KCND2: variants seen among roughly 807,000 people sequenced by gnomAD.
KCND2 encodes A-type voltage-gated potassium channel KCND2.
KCND2 carries 16 observed loss-of-function variants against 54.4 expected under a neutral mutation model. That is an observed-to-expected ratio of 0.29 (90% CI 0.20 to 0.45). KCND2 has a LOEUF of 0.45. KCND2 is among the 20% of genes least tolerant of loss of function. The probability of loss-of-function intolerance (pLI) is 1.00; values close to 1 mark genes in which losing one functional copy is unlikely to be tolerated. For synonymous variants in KCND2, 317 were observed against 310.7 expected (o/e 1.02, Z -0.21); for missense variants, 486 against 824.2 (o/e 0.59, Z 5.02).
chr7:120,691,558 G>T (rs1792269235), intron 1 of KCND2, among the ~76,000 whole-genome samples: 1 of 152,158 alleles, frequency 6.6e-6, no homozygotes, highest in Non-Finnish European at 1.5e-5. Context: ...GGGAGACAGG[G>T]AGGAACAGAA....
chr7:120,335,024 G>A (rs1189759818), intron 1 of KCND2, among the ~76,000 whole-genome samples: 1 of 152,032 alleles, frequency 6.6e-6, no homozygotes, highest in Non-Finnish European at 1.5e-5. Context: ...AGTCTTACTC[G>A]CATCCCCACT....
At position 120,749,045 on chromosome 7, in the gene KCND2, T is replaced by C. The variant is rs1793041541; in HGVS notation, c.*1187T>C. 6.6e-6 allele frequency: 1 copy of C among 151,986 alleles called. No individual in the cohort carries two copies. Among genetic ancestry groups the C allele is most frequent in the Admixed American group, 6.6e-5 (1 of 15,236 alleles). 9.4% of individuals were successfully genotyped at this position (151,986 alleles called of 1,614,324 possible). ...AGCCCAGATACTGGATATATCACTA[T>C]GTATTTTATGAACAGAATTGACTGG... On this transcript the variant is annotated 3_prime_UTR_variant, in exon 6 of 6. Coordinates refer to ENST00000331113, the MANE Select transcript of KCND2 (RefSeq NM_012281.3).
intron 1 of KCND2, among the ~76,000 whole-genome samples, chr7:120,680,976 T>G (rs66889324): frequency 0.33 from 50,540 of 151,826 alleles, 9,490 homozygotes; most frequent in African/African-American, 0.48. Flanking sequence ...CTTACATGTT[T>G]GTTTAGGTAT....
chr7:120,747,550 A>AT, intron 5 of KCND2, 131 bp from the exon 6 acceptor site: 1 of 661,778 alleles, frequency 1.5e-6, no homozygotes, highest in Non-Finnish European at 2.6e-6. Context: ...GGTGTTTCAT[A>AT]TTTTTAATTA....
chr7:120,502,800 G>A (rs1424579755), intron 1 of KCND2, among the ~76,000 whole-genome samples: 5 of 151,954 alleles, frequency 3.3e-5, no homozygotes, highest in Non-Finnish European at 7.4e-5. Flanking sequence ...CACACATACA[G>A]GCTTTCCCAG....
intron 1 of KCND2, among the ~76,000 whole-genome samples, chr7:120,597,516 G>T (rs912838845): frequency 6.6e-6 from 1 of 152,164 alleles, no homozygotes; most frequent in Non-Finnish European, 1.5e-5. Flanking sequence ...GCTATCAGCT[G>T]TGGAAGGACA....
upstream of KCND2, among the ~76,000 whole-genome samples, chr7:120,272,966 T>G (rs1034645684): frequency 1.3e-5 from 2 of 151,860 alleles, no homozygotes; most frequent in Non-Finnish European, 2.9e-5. Context: ...CCCTTTCTCC[T>G]CTCCTCCACC....
intron 1 of KCND2, among the ~76,000 whole-genome samples, chr7:120,647,595 A>G (rs1056073364): frequency 3.9e-5 from 6 of 152,202 alleles, no homozygotes; most frequent in Admixed American, 3.3e-4. Flanking sequence ...GCAAGAGTTT[A>G]TTGACAAGAT....
At position 120,371,880 on chromosome 7, in the gene KCND2, T is replaced by G. The variant is rs570286807; in HGVS notation, c.1115+96133T>G. Among the ~76,000 whole-genome samples the G allele has an allele frequency of 1.1e-4, 17 of 152,054 alleles. No individual in the cohort carries two copies. The East Asian group carries it at 3.3e-3, about 30-fold the overall frequency. ...TATGTACAGTACACTCCAGGAATGT[T>G]CACACAATGGCAAAATTACATAACA... On this transcript the variant is annotated intron_variant, in intron 1 of 5. Coordinates refer to ENST00000331113, the MANE Select transcript of KCND2 (RefSeq NM_012281.3).
intron 1 of KCND2, among the ~76,000 whole-genome samples, chr7:120,630,178 C>T (rs138666644): frequency 2.5e-4 from 38 of 151,820 alleles, no homozygotes; most frequent in African/African-American, 8.7e-4. Context: ...GTTAGCAAGT[C>T]GGTTTCATAT....
intron 1 of KCND2, among the ~76,000 whole-genome samples, chr7:120,355,727 C>T (rs1800493493): frequency 6.6e-6 from 1 of 152,112 alleles, no homozygotes; most frequent in Non-Finnish European, 1.5e-5. Context: ...TATTGATTTG[C>T]ATCATCATAA....
At chr7:120,731,411 C>T (rs1171625588) in intron 1 of KCND2, among the ~76,000 whole-genome samples, 1 of 152,160 alleles carries the variant, frequency 6.6e-6, no homozygotes, top group Non-Finnish European at 1.5e-5. Context: ...ATTTAAATGG[C>T]ACCCTGAATA....
chr7:120,355,726 G>A (rs1800493427), intron 1 of KCND2, among the ~76,000 whole-genome samples: 1 of 152,086 alleles, frequency 6.6e-6, no homozygotes, highest in Admixed American at 6.6e-5. Context: ...ATATTGATTT[G>A]CATCATCATA....
chr7:120,461,969 A>G (rs1289370301), intron 1 of KCND2, among the ~76,000 whole-genome samples: 3 of 152,274 alleles, frequency 2.0e-5, no homozygotes, highest in East Asian at 1.9e-4. Context: ...ATCAATATAC[A>G]TGGAGATTAA....
chr7:120,301,172 A>G (rs1003764475), intron 1 of KCND2, among the ~76,000 whole-genome samples: 2 of 152,180 alleles, frequency 1.3e-5, no homozygotes, highest in Admixed American at 1.3e-4. Flanking sequence ...GTTGTTTTAA[A>G]TGTTCTACAA....
intron 1 of KCND2, among the ~76,000 whole-genome samples, chr7:120,606,514 C>A (rs1352019001): frequency 6.6e-6 from 1 of 151,958 alleles, no homozygotes; most frequent in Non-Finnish European, 1.5e-5. Flanking sequence ...TTTTAACAGT[C>A]ACATTTAGGT....
rs180985712 is a variant in KCND2, at chr7:120,619,773, C to T, written c.1116-113130C>T. Among the ~76,000 whole-genome samples, 82 of 152,280 alleles carry T rather than the reference C, an allele frequency of 5.4e-4. No individual in the cohort carries two copies. In the East Asian group the frequency reaches 0.016, roughly 29 times the overall value. On this transcript the variant is annotated intron_variant, in intron 1 of 5. Coordinates refer to ENST00000331113, the MANE Select transcript of KCND2 (RefSeq NM_012281.3). ...AGAATATAGTCACATGATATGGTTC[C>T]TTAAAGCGCATTAGCCCAACAGCAA... is the stretch of plus-strand genomic sequence containing the variant.
intron 1 of KCND2, among the ~76,000 whole-genome samples, chr7:120,686,887 C>T (rs2116597364): frequency 6.6e-6 from 1 of 152,266 alleles, no homozygotes; most frequent in South Asian, 2.1e-4. Flanking sequence ...AACCGCTGAT[C>T]ACTAGTTTCA....
chr7:120,692,890 C>A (rs1487991480), intron 1 of KCND2, among the ~76,000 whole-genome samples: 3 of 152,182 alleles, frequency 2.0e-5, no homozygotes, highest in Admixed American at 1.3e-4. Context: ...TGTGATTGAA[C>A]TTAGAGTTTC....
Sources: gnomAD v4.1 joint callset for allele counts (sites outside exome capture counted in the v4.1 genomes callset) on GRCh38, gnomAD v4.1.1 for gene constraint, MANE v1.5 for transcripts, NCBI Gene and HGNC (gene_info 2026-07-23, HGNC 2026-07-21) for gene names.